NEK6: variants seen among roughly 807,000 people sequenced by gnomAD.
The protein encoded by NEK6 is NIMA related kinase 6.
In NEK6, 27 loss-of-function variants were observed where a neutral mutation model predicts 43.5. The ratio of observed to expected loss-of-function variants is 0.62; its 90% CI spans 0.46 to 0.86. The LOEUF (loss-of-function observed/expected upper bound fraction) is 0.86, where lower values mean the gene tolerates loss of function less well. Ranked by LOEUF, NEK6 falls within the 40% of genes least tolerant of loss-of-function variation. NEK6 has a pLI of 0.00. For synonymous variants in NEK6, 167 were observed against 164.1 expected (o/e 1.02, Z -0.14); for missense variants, 318 against 414.4 (o/e 0.77, Z 2.02).
chr9:124,333,126 G>A (rs558811113), intron 7 of NEK6, among the ~76,000 whole-genome samples: 2 of 152,240 alleles, frequency 1.3e-5, no homozygotes, highest in African/African-American at 4.8e-5. Flanking sequence ...CTCTCCTGGC[G>A]TCTGGGGATG....
intron 4 of NEK6, among the ~76,000 whole-genome samples, chr9:124,317,550 C>T (rs1052766299): frequency 1.3e-5 from 2 of 152,152 alleles, no homozygotes; most frequent in African/African-American, 4.8e-5. Flanking sequence ...ATTTTAGATT[C>T]AGAGGGTACA....
chr9:124,350,299 C>A (rs1039596350), intron 9 of NEK6, among the ~76,000 whole-genome samples: 4 of 151,998 alleles, frequency 2.6e-5, no homozygotes, highest in South Asian at 2.1e-4. Context: ...CGATCAGAGG[C>A]GCAAGGCGCC....
At position 124,351,363 on chromosome 9, in the gene NEK6, G is replaced by A. The variant is rs770342312; in HGVS notation, c.*416G>A. 4.0e-5 allele frequency: 7 copies of A among 173,636 alleles called. No individual in the cohort carries two copies. Among genetic ancestry groups the A allele is most frequent in the South Asian group, 1.4e-4 (1 of 6,966 alleles). 10.8% of individuals were successfully genotyped at this position (173,636 alleles called of 1,614,324 possible). ...TGAGCCTTTGAAAATGGTTAGTACC[G>A]GGTTCAGTTTAGTTCTTAGTATCTT... is the stretch of plus-strand genomic sequence containing the variant. On this transcript the variant is annotated 3_prime_UTR_variant, in exon 10 of 10. Transcript: ENST00000320246.
rs937934021 is a variant in NEK6, at chr9:124,275,511, G to A, written c.-30+17426G>A. On this transcript the variant is annotated intron_variant, in intron 1 of 9. Transcript: ENST00000320246. The surrounding 1 kb of genome is among the most constrained non-coding windows in gnomAD (Gnocchi z 4.4). ...CCAGGCGGAGCTCCTGGTTCTCTGGGTCTGTAATGCTTTCCTTCTCACTTC... is the reference window on the plus strand; with the variant it reads ...CCAGGCGGAGCTCCTGGTTCTCTGGATCTGTAATGCTTTCCTTCTCACTTC... Among the ~76,000 whole-genome samples, 14 of 152,244 alleles carry A rather than the reference G, an allele frequency of 9.2e-5. No individual in the cohort carries two copies. Among genetic ancestry groups the A allele is most frequent in the African/African-American group, 2.7e-4 (11 of 41,458 alleles).
intron 2 of NEK6, among the ~76,000 whole-genome samples, chr9:124,305,302 C>G (rs576483281): frequency 9.3e-4 from 142 of 152,282 alleles, no homozygotes; most frequent in African/African-American, 3.3e-3. Flanking sequence ...CACCTGTAAT[C>G]CCAGCACTTC....
chr9:124,279,583 G>C (rs776446595), intron 1 of NEK6, among the ~76,000 whole-genome samples: 2 of 152,182 alleles, frequency 1.3e-5, no homozygotes, highest in South Asian at 2.1e-4. Context: ...GATTACATGC[G>C]TGAGCCACGC....
At chr9:124,271,163 C>T (rs1831421013) in intron 1 of NEK6, among the ~76,000 whole-genome samples, 3 of 152,280 alleles carry the variant, frequency 2.0e-5, no homozygotes, top group Admixed American at 1.3e-4. Context: ...TCAGCCCTCC[C>T]TGACTTAATC....
In NEK6 at chr9:124,326,395, C is replaced by T; in HGVS notation, c.471C>T (p.Cys157=). Residue 157 remains cysteine, a synonymous_variant, in exon 6 of 10, where the codon TGC becomes TGT. Coordinates refer to ENST00000320246, the MANE Select transcript of NEK6 (RefSeq NM_014397.6). The surrounding 1 kb of genome is among the most constrained non-coding windows in gnomAD (Gnocchi z 4.5). ...TATGGAAGTACTTTGTGCAGCTGTG[C>T]AGCGCCGTGGAGCACATGCATTCAC... ...RTVWKYFVQL[C]SAVEHMHSRR... is the part of the protein sequence containing the mutation. 1 of 1,611,168 alleles carries T rather than the reference C, an allele frequency of 6.2e-7. No individual in the cohort carries two copies.
Position 124,326,201 on chromosome 9 carries a change from A to AT in NEK6, c.406-128dup, listed in dbSNP as rs1180793984. 69 of 178,552 alleles carry AT rather than the reference A, an allele frequency of 3.9e-4. No homozygotes were observed. The highest frequency in any genetic ancestry group is 7.1e-4 in the South Asian group (16 of 22,556). 11.1% of individuals were successfully genotyped at this position (178,552 alleles called of 1,614,324 possible). A position where few individuals can be genotyped will look rare whatever the true frequency, so the allele number is the denominator to read the frequency against. Reference sequence around the variant, plus strand: ...GGCTTATTGTTTGCTCAGTGGCTCAATCCCCCCCCCCCGCCCCTGCCAGGC... The same window carrying AT: ...GGCTTATTGTTTGCTCAGTGGCTCAATTCCCCCCCCCCCGCCCCTGCCAGGC... On this transcript the variant is annotated intron_variant, in intron 5 of 9. Transcript: ENST00000320246. This position sits in a 1 kb window ranked among gnomAD's most constrained non-coding sequence, Gnocchi z 4.5.
At chr9:124,347,167 C>T (rs890838808) in intron 8 of NEK6, among the ~76,000 whole-genome samples, 2 of 152,212 alleles carry the variant, frequency 1.3e-5, no homozygotes, top group Non-Finnish European at 2.9e-5. Flanking sequence ...GCCCTGATAC[C>T]GGCAGCTGGC....
chr9:124,329,216 A>C (rs1368469746), intron 7 of NEK6, among the ~76,000 whole-genome samples: 1 of 152,162 alleles, frequency 6.6e-6, no homozygotes, highest in Non-Finnish European at 1.5e-5. Flanking sequence ...TGTTTCGGTC[A>C]GTTTGGGACT....
At chr9:124,281,491 T>A (rs1010557451) in intron 1 of NEK6, among the ~76,000 whole-genome samples, 1 of 87,052 alleles carries the variant, frequency 1.1e-5, no homozygotes, top group Non-Finnish European at 2.7e-5. Flanking sequence ...TTTTTTCTTT[T>A]TTTTTTTTTT....
chr9:124,292,216 A>G, intron 1 of NEK6: 1 of 1,245,352 alleles, frequency 8.0e-7, no homozygotes, highest in East Asian at 3.0e-5. Flanking sequence ...ACCTGGCTGC[A>G]CCTCTGCCAC....
At position 124,324,152 on chromosome 9, in the gene NEK6, C is replaced by T. The variant is rs866637326; in HGVS notation, c.406-2178C>T. Among the ~76,000 whole-genome samples, 6 of 152,198 alleles carry T rather than the reference C, an allele frequency of 3.9e-5. No homozygotes were observed. The South Asian group carries it at 6.2e-4, about 16-fold the overall frequency. On this transcript the variant is annotated intron_variant, in intron 5 of 9. Transcript: ENST00000320246. The surrounding 1 kb of genome is among the most constrained non-coding windows in gnomAD (Gnocchi z 5.3). ...AGGCCTGGCAGTGCAGAGACCCACT[C>T]GAGTAAGACACGTCCCCTGGATGGC...
At chr9:124,298,733 T>C (rs1832817503) in intron 1 of NEK6, among the ~76,000 whole-genome samples, 1 of 152,206 alleles carries the variant, frequency 6.6e-6, no homozygotes, top group Non-Finnish European at 1.5e-5. Flanking sequence ...TCTGTGATCC[T>C]TGGGACCCGG....
intron 7 of NEK6, among the ~76,000 whole-genome samples, chr9:124,330,389 C>T (rs1002206553): frequency 1.3e-5 from 2 of 152,202 alleles, no homozygotes; most frequent in Non-Finnish European, 2.9e-5. Context: ...CTCCGAGCAA[C>T]GGCAGCAGCT....
At chr9:124,310,661 G>A (rs930271361) in intron 2 of NEK6, among the ~76,000 whole-genome samples, 1 of 152,166 alleles carries the variant, frequency 6.6e-6, no homozygotes, top group African/African-American at 2.4e-5. Flanking sequence ...GCAGTAGCAC[G>A]ATCTAGGCCA....
In NEK6 at chr9:124,304,908, A is replaced by T. The variant is rs184446640; in HGVS notation, c.90+2854A>T. On this transcript the variant is annotated intron_variant, in intron 2 of 9. Coordinates refer to ENST00000320246, the MANE Select transcript of NEK6 (RefSeq NM_014397.6). ...ATGGAATTGAGGAAAGAAGCTTAAA[A>T]TGCCTCATGCTTTTTAAATTTTACC... Among the ~76,000 whole-genome samples, 12 of 152,354 alleles carry T rather than the reference A, an allele frequency of 7.9e-5. No homozygotes were observed. The East Asian group carries it at 2.3e-3, about 29-fold the overall frequency.
intron 1 of NEK6, among the ~76,000 whole-genome samples, chr9:124,290,586 G>T (rs919518892): frequency 6.6e-6 from 1 of 152,358 alleles, no homozygotes; most frequent in South Asian, 2.1e-4. Context: ...GAAGTGGCTC[G>T]TTCTGAAAAA....
Sources: allele counts gnomAD v4.1 joint callset (sites outside exome capture counted in the v4.1 genomes callset), GRCh38; gene constraint gnomAD v4.1.1; non-coding constraint Gnocchi (gnomAD v3.1); transcripts MANE v1.5; gene names NCBI Gene and HGNC (gene_info 2026-07-23, HGNC 2026-07-21).